WFS1: variants seen among roughly 807,000 people sequenced by gnomAD.
WFS1 encodes the protein wolframin.
Under a neutral mutation model 68.5 loss-of-function variants are expected in WFS1, and 90 were observed. The observed-to-expected ratio is 1.31, with a 90% confidence interval of 1.11 to 1.56. WFS1 has a LOEUF of 1.56. WFS1 is among the 40% of genes most tolerant of loss of function. WFS1 has a pLI of 0.00. For synonymous variants in WFS1, 860 were observed against 540.7 expected, an observed-to-expected ratio of 1.59 and a Z score of -8.19; for missense variants, 1,767 against 1,232.6, an observed-to-expected ratio of 1.43 and a Z score of -6.49.
At chr4:6,285,030 A>C (rs570247769) in intron 2 of WFS1, among the ~76,000 whole-genome samples, 26 of 151,718 alleles carry the variant, frequency 1.7e-4, no homozygotes, top group African/African-American at 6.3e-4. Context: ...AGGGAGCACC[A>C]AGGTCTGGGG....
chr4:6,278,447 C>G (rs1390034461), intron 2 of WFS1, among the ~76,000 whole-genome samples: 4 of 152,250 alleles, frequency 2.6e-5, no homozygotes, highest in Admixed American at 6.5e-5. Flanking sequence ...ATCACTGCCC[C>G]TCCTGCCCAT....
chr4:6,279,129 C>A (rs1730082497), intron 2 of WFS1, among the ~76,000 whole-genome samples: 1 of 152,194 alleles, frequency 6.6e-6, no homozygotes, highest in Non-Finnish European at 1.5e-5. Context: ...GTGGCCAAAG[C>A]AGGCCTGGCC....
chr4:6,278,536 GTCCT>G (rs1201138586), intron 2 of WFS1, among the ~76,000 whole-genome samples: 1 of 152,238 alleles, frequency 6.6e-6, no homozygotes, highest in Admixed American at 6.5e-5. Context: ...CCTCATGGCA[GTCCT>G]GAGAGGGGAA....
intron 1 of WFS1, among the ~76,000 whole-genome samples, chr4:6,270,459 G>A (rs1032816353): frequency 9.8e-6 from 1 of 101,556 alleles, no homozygotes; most frequent in South Asian, 3.8e-4. Flanking sequence ...GCCCCCGGGA[G>A]GTGTTGTGGG....
At chr4:6,275,657 A>C (rs1378225876) in intron 1 of WFS1, among the ~76,000 whole-genome samples, 1 of 151,728 alleles carries the variant, frequency 6.6e-6, no homozygotes, top group African/African-American at 2.4e-5. Context: ...GTTTTACACT[A>C]AGGGCTCAGT....
intron 2 of WFS1, among the ~76,000 whole-genome samples, chr4:6,280,592 C>T (rs897395577): frequency 1.3e-5 from 2 of 152,142 alleles, no homozygotes; most frequent in African/African-American, 4.8e-5. Flanking sequence ...GGCTCAGATG[C>T]ACAGAGGGAC....
At chr4:6,296,978 C>A (rs113703919) in intron 7 of WFS1, among the ~76,000 whole-genome samples, 2,960 of 152,290 alleles carry the variant, frequency 0.019, 111 homozygotes, top group African/African-American at 0.067. Context: ...CATGTGCCAC[C>A]ACACCCAGCT....
chr4:6,286,682 G>A (rs560019056), intron 2 of WFS1, among the ~76,000 whole-genome samples: 2 of 152,274 alleles, frequency 1.3e-5, no homozygotes, highest in South Asian at 2.1e-4. Flanking sequence ...TCTGGGCTTC[G>A]GGTACAGGTG....
rs921893694 is a variant in WFS1, at chr4:6,269,918, C to G, written c.-102C>G. The G allele has an allele frequency of 6.6e-6, 1 of 152,230 alleles. No homozygotes were observed. Among genetic ancestry groups the G allele is most frequent in the East Asian group, 1.9e-4 (1 of 5,180 alleles). 9.4% of individuals were successfully genotyped at this position (152,230 alleles called of 1,614,324 possible). A position where few individuals can be genotyped will look rare whatever the true frequency, so the allele number is the denominator to read the frequency against. The stretch of plus-strand genomic sequence containing the variant: ...ATTGCTCCCCCGCGGCCGCAGATCT[C>G]CCGTTTGCGCCGCGTTCAGCTGCTC... On this transcript the variant is annotated 5_prime_UTR_variant, in exon 1 of 8. Coordinates refer to ENST00000226760, the MANE Select transcript of WFS1 (RefSeq NM_006005.3).
chr4:6,301,779 T>C lies in WFS1; in HGVS notation c.1984T>C (p.Ser662Pro), dbSNP rs376341411. The C allele has an allele frequency of 1.9e-5, 30 of 1,613,406 alleles. No homozygotes were observed. The African/African-American group carries it at 3.9e-4, about 21-fold the overall frequency. Residue 662 changes from serine (S) to proline (P), a missense_variant, in exon 8 of 8, where the codon TCC becomes CCC. Physicochemically the swap from Ser to Pro is moderately conservative, Grantham distance 74. Coordinates refer to ENST00000226760, the MANE Select transcript of WFS1 (RefSeq NM_006005.3). ...CTCAGAGGGCATGAAGGTCTACAAC[T>C]CCACACTGACCTGGCAGCAGTATGG... ...YRSEGMKVYNSTLTWQQYGAL... is the reference protein window; with the variant it reads ...YRSEGMKVYNPTLTWQQYGAL...
At chr4:6,299,546 GAA>G (rs1315202749) in intron 7 of WFS1, among the ~76,000 whole-genome samples, 1 of 66,570 alleles carries the variant, frequency 1.5e-5, no homozygotes, top group Admixed American at 1.7e-4. Flanking sequence ...TGGGTTGTGT[GAA>G]TGTGTGTGTA....
chr4:6,293,714 CA>C (rs764203319), intron 6 of WFS1, among the ~76,000 whole-genome samples: 5 of 152,172 alleles, frequency 3.3e-5, no homozygotes, highest in Non-Finnish European at 7.3e-5. Context: ...ACATCCTGCC[CA>C]AGGTATTCAT....
rs781522983 is a variant in WFS1, at chr4:6,300,922, C to T, written c.1127C>T (p.Thr376Ile). The T allele has an allele frequency of 1.9e-6, 3 of 1,614,198 alleles. No homozygotes were observed. The highest frequency in any genetic ancestry group is 1.1e-5 in the South Asian group (1 of 91,078). ...QDSKAWENFR[T>I]LTDLLLRFEP... is the part of the protein sequence containing the mutation. ...AGCAAGGCCTGGGAGAACTTCCGCA[C>T]CCTCACCGACCTGCTGCTGCGCTTC... The change falls in exon 8 of 8, where the codon ACC (threonine) becomes ATC (isoleucine). Residue 376 changes from threonine to isoleucine, a missense_variant. By Grantham distance (89) the Thr-to-Ile change is moderately conservative. Transcript: ENST00000226760.
intron 2 of WFS1, among the ~76,000 whole-genome samples, chr4:6,278,714 T>C (rs920574852): frequency 3.3e-5 from 5 of 152,220 alleles, no homozygotes; most frequent in African/African-American, 9.6e-5. Flanking sequence ...GTACCACTTA[T>C]GCTGGGCGTG....
intron 2 of WFS1, among the ~76,000 whole-genome samples, chr4:6,284,386 TAAA>T (rs997631482): frequency 1.3e-5 from 2 of 151,928 alleles, no homozygotes; most frequent in Admixed American, 1.3e-4. Context: ...AAAATAATAA[TAAA>T]AAAGAGAGAG....
At chr4:6,300,370 G>A (rs1730834189) in intron 7 of WFS1, among the ~76,000 whole-genome samples, 1 of 152,140 alleles carries the variant, frequency 6.6e-6, no homozygotes, top group South Asian at 2.1e-4. Flanking sequence ...GTCTTGCAGG[G>A]AGAGAAGCAC....
intron 7 of WFS1, among the ~76,000 whole-genome samples, chr4:6,296,324 G>A (rs990416082): frequency 3.3e-5 from 5 of 152,234 alleles, no homozygotes; most frequent in Admixed American, 2.0e-4. Context: ...AGGTCTGAGT[G>A]TGAGCCCCCC....
Position 6,301,357 on chromosome 4 carries a change from T to G in WFS1, c.1562T>G (p.Leu521Arg). The G allele has an allele frequency of 2.5e-6, 4 of 1,612,546 alleles. No individual in the cohort carries two copies. Among genetic ancestry groups the G allele is most frequent in the Non-Finnish European group, 3.4e-6 (4 of 1,180,020 alleles). ...LLYLFFRMAQ[L>R]RNFKGTYCYL... ...TATCTCTTCTTCCGCATGGCACAGC[T>G]GAGGAATTTCAAGGGCACCTACTGC... The change falls in exon 8 of 8, where the codon CTG (leucine) becomes CGG (arginine). Residue 521 changes from leucine to arginine, a missense_variant. Coordinates refer to ENST00000226760, the MANE Select transcript of WFS1 (RefSeq NM_006005.3).
At chr4:6,278,171 C>G (rs950967324) in intron 2 of WFS1, among the ~76,000 whole-genome samples, 1 of 152,198 alleles carries the variant, frequency 6.6e-6, no homozygotes, top group Non-Finnish European at 1.5e-5. Flanking sequence ...TGCTGGGGCC[C>G]TGGGTGTTCA....
Sources: allele counts gnomAD v4.1 joint callset (sites outside exome capture counted in the v4.1 genomes callset), GRCh38; gene constraint gnomAD v4.1.1; transcripts MANE v1.5; gene names NCBI Gene and HGNC (gene_info 2026-07-23, HGNC 2026-07-21).